EDARADD: variants seen among roughly 807,000 people sequenced by gnomAD.
The protein encoded by EDARADD is ectodysplasin-A receptor-associated adapter protein.
In EDARADD, 20 loss-of-function variants were observed where a neutral mutation model predicts 25.6. The ratio of observed to expected loss-of-function variants is 0.78; its 90% confidence interval spans 0.55 to 1.14. The LOEUF (loss-of-function observed/expected upper bound fraction) is 1.14, where lower values mean the gene tolerates loss of function less well. Among genes scored for constraint, EDARADD ranks in the 50% most tolerant of loss-of-function variants. The pLI is 0.00. For missense variants in EDARADD, 225 were observed against 270.1 expected (o/e 0.83, Z 1.17); for synonymous variants, 86 against 94.4 (o/e 0.91, Z 0.52).
At chr1:236,368,644 TG>T (rs1475312273) in intron 3 of EDARADD, among the ~76,000 whole-genome samples, 2 of 152,078 alleles carry the variant, frequency 1.3e-5, no homozygotes, top group Non-Finnish European at 2.9e-5. Context: ...TTCTCCATGT[TG>T]GTCAGGCTGG....
intron 3 of EDARADD, among the ~76,000 whole-genome samples, chr1:236,420,295 GT>G (rs927205844): frequency 1.1e-4 from 17 of 152,156 alleles, no homozygotes; most frequent in Non-Finnish European, 8.8e-5. Flanking sequence ...GAGTTAAATG[GT>G]TCTGTATTTA....
chr1:236,444,536 C>T (rs1023125875), intron 4 of EDARADD, among the ~76,000 whole-genome samples: 11 of 152,178 alleles, frequency 7.2e-5, no homozygotes, highest in African/African-American at 2.4e-4. Flanking sequence ...ATTCTCCTGC[C>T]TCAGCCTTCT....
rs749856368 is a variant in EDARADD, at chr1:236,419,230, G to GA, written c.160+4940dup. Among the ~76,000 whole-genome samples, 6 of 150,792 alleles carry GA rather than the reference G, an allele frequency of 4.0e-5. 1 individual carries two copies. In the South Asian group the frequency reaches 6.3e-4, roughly 16 times the overall value. ...AGTGAGACTCCTATCGCTCCAAAAA[G>GA]AAAAAAAAAGTTAATTAGCTGAGTG... On this transcript the variant is annotated intron_variant, in intron 3 of 5. Transcript: ENST00000334232.
At chr1:236,407,099 G>C (rs187370249) in intron 1 of EDARADD, among the ~76,000 whole-genome samples, 111 of 152,302 alleles carry the variant, frequency 7.3e-4, no homozygotes, top group African/African-American at 2.6e-3. Context: ...GGTTCATGTG[G>C]TGCTGGGAAA....
rs1667474993 is a variant in EDARADD at position 236,394,352 on chromosome 1, C to T, written c.-93C>T. The T allele has an allele frequency of 7.2e-7, 1 of 1,389,108 alleles. No individual in the cohort carries two copies. Among genetic ancestry groups the T allele is most frequent in the Non-Finnish European group, 1.0e-6 (1 of 977,558 alleles). The allele number at this position is 1,389,108 out of a possible 1,614,324, so 86.0% of individuals were successfully genotyped here. ...GAGAGCTTTCATCTAGAAGGTTTGA[C>T]TCTGGCCAGACAACCAGCGAGCATC... On this transcript the variant is annotated 5_prime_UTR_variant, in exon 1 of 6. Transcript: ENST00000334232.
At chr1:236,374,470 C>T (rs673859) in intron 3 of EDARADD, among the ~76,000 whole-genome samples, 40,456 of 151,804 alleles carry the variant, frequency 0.27, 5,540 homozygotes, top group East Asian at 0.38. Flanking sequence ...AGTCTTGCCA[C>T]GTTGCCCAGG....
chr1:236,395,977 C>A lies in EDARADD; in HGVS notation c.61+1472C>A, dbSNP rs1017875635. ...GGACTCGGGATGCCAGGTTGAGACA[C>A]GTCCTGCAAACCTCTGGCAGAAATG... is the stretch of plus-strand genomic sequence containing the variant. On this transcript the variant is annotated intron_variant, in intron 1 of 5. Transcript: ENST00000334232. The surrounding 1 kb of genome is among the most constrained non-coding windows in gnomAD (Gnocchi z 6.9). Among the ~76,000 whole-genome samples the A allele has an allele frequency of 1.3e-5, 2 of 152,222 alleles. No individual in the cohort carries two copies. Among genetic ancestry groups the A allele is most frequent in the African/African-American group, 4.8e-5 (2 of 41,462 alleles).
intron 3 of EDARADD, among the ~76,000 whole-genome samples, chr1:236,368,175 G>C (rs1667131241): frequency 6.6e-6 from 1 of 152,066 alleles, no homozygotes; most frequent in African/African-American, 2.4e-5. Context: ...TCAAAATTAA[G>C]TTCTATACCT....
At chr1:236,475,109 G>A (rs1383618145) in intron 5 of EDARADD, among the ~76,000 whole-genome samples, 3 of 152,058 alleles carry the variant, frequency 2.0e-5, no homozygotes, top group Middle Eastern at 3.4e-3. Flanking sequence ...CTCCAGCCTG[G>A]GCAACAAGAG....
chr1:236,405,790 T>TTTCTTTCTTTCTTTTTCTTTCTTTC (rs750188716), intron 1 of EDARADD, among the ~76,000 whole-genome samples: 1 of 49,562 alleles, frequency 2.0e-5, no homozygotes, highest in African/African-American at 6.7e-5. Flanking sequence ...TCTTTCTTTC[T>TTTCTTTCTTTCTTTTTCTTTCTTTC]TTTCTTTTTC....
chr1:236,354,497 T>C (rs1449246471), intron 3 of EDARADD, among the ~76,000 whole-genome samples: 2 of 152,102 alleles, frequency 1.3e-5, no homozygotes, highest in Non-Finnish European at 2.9e-5. Flanking sequence ...AACCTTTAGG[T>C]TACAGAAACA....
In EDARADD at chr1:236,475,656, C is replaced by T. The variant is rs138503787; in HGVS notation, c.266-6611C>T. On this transcript the variant is annotated intron_variant, in intron 5 of 5. Transcript: ENST00000334232. ...GCAGGCGCCTCTAATCTCAGCTACT[C>T]GGGAGGCTGAGGTAGGAGAATCGCT... Among the ~76,000 whole-genome samples the T allele has an allele frequency of 2.6e-3, 391 of 151,706 alleles. 5 individuals carry two copies. The highest frequency in any genetic ancestry group is 8.8e-3 in the African/African-American group (364 of 41,354).
intron 4 of EDARADD, among the ~76,000 whole-genome samples, chr1:236,466,708 G>A (rs1010403499): frequency 2.0e-5 from 3 of 152,164 alleles, no homozygotes; most frequent in East Asian, 1.9e-4. Context: ...GAGACATGGC[G>A]ATGGGTGAGC....
intron 4 of EDARADD, among the ~76,000 whole-genome samples, chr1:236,449,898 C>A (rs545516462): frequency 7.8e-4 from 119 of 152,250 alleles, no homozygotes; most frequent in African/African-American, 2.7e-3. Flanking sequence ...CTCAGGAGTT[C>A]GAGACCTGCC....
At chr1:236,390,192 A>T (rs1016458595), upstream of EDARADD, among the ~76,000 whole-genome samples, 2 of 152,132 alleles carry the variant, frequency 1.3e-5, no homozygotes, top group African/African-American at 4.8e-5. Context: ...GGGATAAAAG[A>T]CAACCAATAT....
intron 1 of EDARADD, among the ~76,000 whole-genome samples, chr1:236,405,723 CT>C (rs1188518167): frequency 6.8e-6 from 1 of 146,126 alleles, no homozygotes; most frequent in African/African-American, 2.6e-5. Flanking sequence ...TCCTTCCTTT[CT>C]TTTTCTTTCT....
chr1:236,414,149 C>G, intron 2 of EDARADD, 111 bp from the exon 3 acceptor site: 2 of 915,978 alleles, frequency 2.2e-6, no homozygotes, highest in Admixed American at 3.5e-5. Context: ...TGAGGTTAAA[C>G]ATTTTCAAGT....
chr1:236,445,363 G>A (rs1453714983), intron 4 of EDARADD, among the ~76,000 whole-genome samples: 2 of 151,916 alleles, frequency 1.3e-5, no homozygotes, highest in Non-Finnish European at 2.9e-5. Flanking sequence ...GAGTAGCTGG[G>A]ATTACAGGCA....
At chr1:236,376,381 C>T (rs759076532) in intron 3 of EDARADD, among the ~76,000 whole-genome samples, 3 of 152,000 alleles carry the variant, frequency 2.0e-5, no homozygotes, top group South Asian at 2.1e-4. Flanking sequence ...TTTGTTTATC[C>T]GAGAAGCTTT....
Sources: gnomAD v4.1 joint callset for allele counts (sites outside exome capture counted in the v4.1 genomes callset) on GRCh38, gnomAD v4.1.1 for gene constraint, Gnocchi (gnomAD v3.1) non-coding constraint, MANE v1.5 for transcripts, NCBI Gene and HGNC (gene_info 2026-07-23, HGNC 2026-07-21) for gene names.